Variants in BARD1 observed in about 807,000 individuals in gnomAD.
BARD1 encodes the protein BRCA1 associated RING domain 1.
Under a neutral mutation model 77.0 loss-of-function variants are expected in BARD1, and 73 were observed. The observed-to-expected ratio is 0.95, with a 90% confidence interval of 0.79 to 1.15. BARD1 has a LOEUF of 1.15. BARD1 is among the 50% of genes most tolerant of loss of function. The pLI, the probability that BARD1 is intolerant of heterozygous loss-of-function variation, is 0.00. For missense variants in BARD1, 993 were observed against 938.8 expected, an observed-to-expected ratio of 1.06 and a Z score of -0.75; for synonymous variants, 384 against 338.0, an observed-to-expected ratio of 1.14 and a Z score of -1.49.
At chr2:214,731,453 T>C (rs1692352835) in intron 9 of BARD1, among the ~76,000 whole-genome samples, 1 of 152,242 alleles carries the variant, frequency 6.6e-6, no homozygotes. Context: ...GTATATATAT[T>C]TATCATGCTT....
At chr2:214,807,263 G>C (rs1259074299) in intron 1 of BARD1, among the ~76,000 whole-genome samples, 2 of 151,862 alleles carry the variant, frequency 1.3e-5, no homozygotes, top group African/African-American at 4.8e-5. Context: ...TAGTCAAATG[G>C]GTGAGCCATG....
intron 9 of BARD1, among the ~76,000 whole-genome samples, chr2:214,736,965 GCT>G (rs929800292): frequency 4.6e-5 from 7 of 152,140 alleles, no homozygotes; most frequent in African/African-American, 1.4e-4. Context: ...AATGAAAGTA[GCT>G]CTTTTTCTTT....
At chr2:214,755,896 T>C (rs954776086) in intron 6 of BARD1, among the ~76,000 whole-genome samples, 20 of 152,170 alleles carry the variant, frequency 1.3e-4, no homozygotes, top group Admixed American at 3.3e-4. Flanking sequence ...TTTTGGAATA[T>C]ATGAAAATGT....
At chr2:214,769,418 G>T (rs1050046980) in intron 4 of BARD1, 106 bp from the exon 5 acceptor site, 2 of 913,836 alleles carry the variant, frequency 2.2e-6, no homozygotes, top group Non-Finnish European at 3.5e-6. Context: ...AACTTAAATC[G>T]TTTTCTCTTA....
At chr2:214,780,466 T>A in intron 4 of BARD1, 94 bp downstream of exon 4, 1 of 1,046,200 alleles carries the variant, frequency 9.6e-7, no homozygotes, top group East Asian at 2.6e-5. Flanking sequence ...AGGTTAATTA[T>A]CCTAGTAATC....
chr2:214,776,046 T>C (rs188773506), intron 4 of BARD1, among the ~76,000 whole-genome samples: 2 of 152,342 alleles, frequency 1.3e-5, no homozygotes, highest in Admixed American at 6.5e-5. Flanking sequence ...ACCTTTGTTA[T>C]GTTCTAAGCA....
chr2:214,806,902 T>C (rs1696303071), intron 1 of BARD1, among the ~76,000 whole-genome samples: 1 of 140,550 alleles, frequency 7.1e-6, no homozygotes, highest in African/African-American at 2.6e-5. Context: ...AGGCACCCCA[T>C]GTGATATAAA....
intron 7 of BARD1, 66 bp downstream of exon 7, chr2:214,752,381 T>C (rs1206822883): frequency 2.2e-6 from 3 of 1,381,420 alleles, no homozygotes; most frequent in Non-Finnish European, 3.1e-6. Flanking sequence ...AATTTTTCTA[T>C]TATGTTCCTT....
intron 5 of BARD1, among the ~76,000 whole-genome samples, chr2:214,768,186 G>A (rs79794638): frequency 1.1e-4 from 16 of 152,136 alleles, no homozygotes; most frequent in East Asian, 1.9e-4. Context: ...TGACAGAAAC[G>A]GCAACAATGG....
At chr2:214,771,924 G>GAAAAAAAAAAAAAAA (rs10602414) in intron 4 of BARD1, among the ~76,000 whole-genome samples, 1 of 107,158 alleles carries the variant, frequency 9.3e-6, no homozygotes, top group African/African-American at 3.7e-5. Context: ...CCAGTTTCAG[G>GAAAAAAAAAAAAAAA]AAAAAAAAAA....
In BARD1 at chr2:214,781,509, T is replaced by C; in HGVS notation, c.365A>G (p.Asp122Gly). The change falls in exon 4 of 11, where the codon GAT becomes GGT. Residue 122 changes from aspartate to glycine, a missense_variant and splice_region_variant. By Grantham distance (94) the Asp-to-Gly change is moderately conservative. Transcript: ENST00000260947. The part of the protein sequence containing the change: ...RNLLHDNELS[D>G]LKEDKPRKSL... ...TTTCCTAGGTTTATCTTCTTTCAAA[T>C]CTGACAGAAAAAAAGAAAAAGAAAT... The C allele has an allele frequency of 6.2e-7, 1 of 1,606,110 alleles. No individual in the cohort carries two copies. Among genetic ancestry groups the C allele is most frequent in the South Asian group, 1.1e-5 (1 of 90,042 alleles).
intron 9 of BARD1, 49 bp from the exon 10 acceptor site, chr2:214,730,557 A>G (rs573845527): frequency 9.1e-6 from 13 of 1,432,654 alleles, no homozygotes; most frequent in African/African-American, 5.6e-5. Context: ...AGTGAGCACT[A>G]TATCTCTCTC....
chr2:214,754,502 T>C (rs1242530038), intron 6 of BARD1, among the ~76,000 whole-genome samples: 3 of 152,066 alleles, frequency 2.0e-5, no homozygotes, highest in Non-Finnish European at 2.9e-5. Flanking sequence ...ATTTTACACA[T>C]ATTTGAAAAA....
At chr2:214,743,466 TAC>T (rs1489901109) in intron 9 of BARD1, among the ~76,000 whole-genome samples, 3 of 152,242 alleles carry the variant, frequency 2.0e-5, no homozygotes, top group Admixed American at 6.5e-5. Context: ...CAAAGGAATG[TAC>T]AGAGATGTCC....
chr2:214,773,203 T>G (rs1694589380), intron 4 of BARD1, among the ~76,000 whole-genome samples: 1 of 152,184 alleles, frequency 6.6e-6, no homozygotes, highest in Non-Finnish European at 1.5e-5. Flanking sequence ...AAACAAAACT[T>G]TTCCTTATTA....
intron 5 of BARD1, among the ~76,000 whole-genome samples, chr2:214,768,229 C>T (rs774304897): frequency 6.6e-6 from 1 of 152,158 alleles, no homozygotes; most frequent in Non-Finnish European, 1.5e-5. Context: ...CCAAATCTTT[C>T]CTTATGTCTA....
At chr2:214,731,777 T>C (rs1422168113) in intron 9 of BARD1, among the ~76,000 whole-genome samples, 1 of 152,208 alleles carries the variant, frequency 6.6e-6, no homozygotes, top group Non-Finnish European at 1.5e-5. Flanking sequence ...CAGAATTTCA[T>C]ACACTTTCCC....
chr2:214,740,662 T>C (rs1342069209), intron 9 of BARD1, among the ~76,000 whole-genome samples: 1 of 152,044 alleles, frequency 6.6e-6, no homozygotes. Flanking sequence ...TTCCAGAGAG[T>C]ATCTTCAGGC....
At chr2:214,750,093 C>T (rs1457644497) in intron 7 of BARD1, among the ~76,000 whole-genome samples, 1 of 152,132 alleles carries the variant, frequency 6.6e-6, no homozygotes, top group African/African-American at 2.4e-5. Context: ...TCCTTGACCT[C>T]AGCTCCTCCC....
Sources: gnomAD v4.1 joint callset for allele counts (sites outside exome capture counted in the v4.1 genomes callset) on GRCh38, gnomAD v4.1.1 for gene constraint, MANE v1.5 for transcripts, NCBI Gene and HGNC (gene_info 2026-07-23, HGNC 2026-07-21) for gene names.